The following IGF1R variants were observed in gnomAD, a reference collection of about 807,000 sequenced individuals.
IGF1R encodes the protein insulin like growth factor 1 receptor.
IGF1R carries 44 observed loss-of-function variants against 144.6 expected under a neutral mutation model. That is an observed-to-expected ratio of 0.30 (90% CI 0.24 to 0.39). The LOEUF is 0.39. Ranked by LOEUF, IGF1R falls within the 10% of genes least tolerant of loss-of-function variation. IGF1R has a pLI of 1.00. For missense variants in IGF1R, 1,355 were observed against 1,833.7 expected, an observed-to-expected ratio of 0.74 and a Z score of 4.77; for synonymous variants, 795 against 722.8, an observed-to-expected ratio of 1.10 and a Z score of -1.60.
intron 2 of IGF1R, among the ~76,000 whole-genome samples, chr15:98,766,958 A>G (rs897862093): frequency 3.3e-5 from 5 of 152,234 alleles, no homozygotes; most frequent in African/African-American, 9.6e-5. Context: ...CCAGGGCTGC[A>G]TGGTGTCAGC....
In IGF1R at chr15:98,649,492, GTTTCC is replaced by G. The variant is rs910129591; in HGVS notation, c.-85_-81del. The G allele has an allele frequency of 4.4e-5, 40 of 910,382 alleles. No homozygotes were observed. The highest frequency in any genetic ancestry group is 2.6e-4 in the Middle Eastern group (1 of 3,878). The allele number at this position is 910,382 out of a possible 1,614,324, so 56.4% of individuals were successfully genotyped here. ...GGAGCGAAGACTGAGTTTGAGACTT[GTTTCC>G]TTTCATTTCCTTTTTTTCTTTTCTT... On this transcript the variant is annotated 5_prime_UTR_variant, in exon 1 of 21. Transcript: ENST00000650285.
intron 2 of IGF1R, among the ~76,000 whole-genome samples, chr15:98,878,788 C>T (rs968161232): frequency 2.0e-5 from 3 of 151,156 alleles, no homozygotes; most frequent in Non-Finnish European, 4.4e-5. Context: ...GTCAGGAGAG[C>T]GAGACCATCC....
chr15:98,800,461 T>G (rs1330057494), intron 2 of IGF1R, among the ~76,000 whole-genome samples: 1 of 152,016 alleles, frequency 6.6e-6, no homozygotes, highest in African/African-American at 2.4e-5. Context: ...TTTAATTAAC[T>G]TGGCAACCCC....
At chr15:98,930,908 C>G (rs1220287123) in intron 15 of IGF1R, among the ~76,000 whole-genome samples, 1 of 152,066 alleles carries the variant, frequency 6.6e-6, no homozygotes, top group Admixed American at 6.5e-5. Flanking sequence ...CTTTTTTGCT[C>G]TTTCTAGCAT....
chr15:98,696,692 T>C (rs1324336546), intron 1 of IGF1R, among the ~76,000 whole-genome samples: 1 of 152,074 alleles, frequency 6.6e-6, no homozygotes, highest in African/African-American at 2.4e-5. Context: ...GGGGCTTGAG[T>C]GTCGGGCTAT....
intron 2 of IGF1R, chr15:98,824,072 C>T (rs773412479): frequency 2.6e-5 from 4 of 152,102 alleles, no homozygotes; most frequent in Non-Finnish European, 4.4e-5. Context: ...AGCCAGCACT[C>T]GGAACTAGGG....
At chr15:98,673,075 A>G (rs1863276) in intron 1 of IGF1R, among the ~76,000 whole-genome samples, 140,392 of 152,146 alleles carry the variant, frequency 0.92, 64,995 homozygotes, top group Middle Eastern at 0.97. Context: ...GCTCACTGTA[A>G]CCTTGAACTC....
At chr15:98,777,801 G>A (rs190408968) in intron 2 of IGF1R, among the ~76,000 whole-genome samples, 218 of 152,334 alleles carry the variant, frequency 1.4e-3, no homozygotes, top group African/African-American at 5.2e-3. Context: ...ATGCAGAGAC[G>A]GAGCTGGGAG....
intron 2 of IGF1R, among the ~76,000 whole-genome samples, chr15:98,795,816 C>T (rs908972748): frequency 2.0e-5 from 3 of 152,212 alleles, no homozygotes; most frequent in Admixed American, 6.5e-5. Flanking sequence ...GCCATGCATG[C>T]GACTGGAACA....
At chr15:98,846,110 TTGAC>T (rs1322019938) in intron 2 of IGF1R, among the ~76,000 whole-genome samples, 2 of 152,224 alleles carry the variant, frequency 1.3e-5, no homozygotes, top group Admixed American at 6.5e-5. Flanking sequence ...ACACTTTTCT[TTGAC>T]TGTATATACA....
chr15:98,899,544 C>A lies in IGF1R; in HGVS notation c.1170C>A (p.Ile390=), dbSNP rs1220556938. ...LIEVVTGYVK[I]RHSHALVSLS... ...AGGTGGTGACGGGCTACGTGAAGATCCGCCATTCTCATGCCTTGGTCTCCT... is the reference window on the plus strand; with the variant it reads ...AGGTGGTGACGGGCTACGTGAAGATACGCCATTCTCATGCCTTGGTCTCCT... The change falls in exon 5 of 21, where the codon ATC becomes ATA. Residue 390 remains isoleucine (I), a synonymous_variant. Transcript: ENST00000650285. 16 of 1,614,004 alleles carry A rather than the reference C, an allele frequency of 9.9e-6. No homozygotes were observed. The highest frequency in any genetic ancestry group is 1.4e-5 in the Non-Finnish European group (16 of 1,179,980).
rs141574524 is a variant in IGF1R at position 98,881,537 on chromosome 15, G to T, written c.641-9788G>T. 9.4e-4 allele frequency among the ~76,000 whole-genome samples: 143 copies of T among 152,304 alleles called. 1 individual carries two copies. Among genetic ancestry groups the T allele is most frequent in the African/African-American group, 3.2e-3 (134 of 41,576 alleles). On this transcript the variant is annotated intron_variant, in intron 2 of 20. Transcript: ENST00000650285. ...CGGCTTTCACCATGTTGACCAGGCT[G>T]GTCTTGAACTCTTGACCTCAGGTGA...
intron 2 of IGF1R, among the ~76,000 whole-genome samples, chr15:98,835,532 C>G (rs1302023967): frequency 6.6e-6 from 1 of 152,168 alleles, no homozygotes; most frequent in East Asian, 1.9e-4. Context: ...TTGTCCACCC[C>G]AAGGATTGAC....
intron 17 of IGF1R, among the ~76,000 whole-genome samples, chr15:98,937,771 C>T (rs2016210414): frequency 6.6e-6 from 1 of 152,170 alleles, no homozygotes; most frequent in Non-Finnish European, 1.5e-5. Flanking sequence ...TTCTGTTGCT[C>T]ACGGCAATTA....
intron 2 of IGF1R, among the ~76,000 whole-genome samples, chr15:98,885,332 C>G (rs573817442): frequency 6.6e-6 from 1 of 152,346 alleles, no homozygotes; most frequent in East Asian, 1.9e-4. Flanking sequence ...GGGTGGACTT[C>G]TGTTCGGCCT....
At chr15:98,743,220 T>A (rs2054788232) in intron 2 of IGF1R, among the ~76,000 whole-genome samples, 1 of 152,188 alleles carries the variant, frequency 6.6e-6, no homozygotes, top group Admixed American at 6.5e-5. Context: ...AAAAACAATT[T>A]GTTGTGGATA....
In IGF1R at chr15:98,963,928, G is replaced by A. The variant is rs2017326115; in HGVS notation, c.*6486G>A. 1.7e-5 allele frequency: 4 copies of A among 233,254 alleles called. No homozygotes were observed. In the East Asian group the frequency reaches 2.4e-4, roughly 14 times the overall value. The allele number at this position is 233,254 out of a possible 1,614,324, so 14.4% of individuals were successfully genotyped here. On this transcript the variant is annotated 3_prime_UTR_variant, in exon 21 of 21. Transcript: ENST00000650285. ...ATCTCTATCATGGGAAACACCTGGG[G>A]TTTTTGCGCTACATAGGAGAAAGAT... is the stretch of plus-strand genomic sequence containing the variant.
In IGF1R at chr15:98,878,663, CAAAAAAAAAAAAAAAA is replaced by C. The variant is rs138285597; in HGVS notation, c.641-12645_641-12630del. On this transcript the variant is annotated intron_variant, in intron 2 of 20. Transcript: ENST00000650285. ...TCTCTCTTCTTATTTGTGAAAGACT[CAAAAAAAAAAAAAAAA>C]AAAAAAAAAAAAAAAACAACAACAA... is the stretch of plus-strand genomic sequence containing the variant. Among the ~76,000 whole-genome samples, 394 of 57,924 alleles carry C rather than the reference CAAAAAAAAAAAAAAAA, an allele frequency of 6.8e-3. 2 individuals carry two copies. Among genetic ancestry groups the C allele is most frequent in the African/African-American group, 0.031 (299 of 9,650 alleles). The allele number at this position is 57,924 out of a possible 152,430, so 38.0% of individuals were successfully genotyped here.
At chr15:98,671,146 G>A (rs572388831) in intron 1 of IGF1R, among the ~76,000 whole-genome samples, 2 of 152,368 alleles carry the variant, frequency 1.3e-5, no homozygotes, top group African/African-American at 4.8e-5. Context: ...TCAAAAGAGA[G>A]CAGTGTCCCC....
Sources: allele counts gnomAD v4.1 joint callset (sites outside exome capture counted in the v4.1 genomes callset), GRCh38; gene constraint gnomAD v4.1.1; transcripts MANE v1.5; gene names NCBI Gene and HGNC (gene_info 2026-07-23, HGNC 2026-07-21).